GNG4: variants seen among roughly 807,000 people sequenced by gnomAD.
GNG4 encodes G protein subunit gamma 4, also known as guanine nucleotide-binding protein G(I)/G(S)/G(O) subunit gamma-4.
In GNG4, 4 loss-of-function variants were observed where a neutral mutation model predicts 5.8. That is an observed-to-expected ratio of 0.69 (90% CI 0.34 to 1.57). The LOEUF (loss-of-function observed/expected upper bound fraction) is 1.57. Among genes scored for constraint, GNG4 ranks in the 40% most tolerant of loss-of-function variants. GNG4 has a pLI of 0.06. For synonymous variants in GNG4, 29 were observed against 32.9 expected (o/e 0.88, Z 0.41); for missense variants, 96 against 95.1 (o/e 1.01, Z -0.04).
At chr1:235,627,902 C>T (rs373236078) in intron 1 of GNG4, among the ~76,000 whole-genome samples, 36 of 152,004 alleles carry the variant, frequency 2.4e-4, no homozygotes, top group Admixed American at 7.2e-4. Flanking sequence ...GATATGGGGC[C>T]GGGCGTGGTG....
intron 2 of GNG4, among the ~76,000 whole-genome samples, chr1:235,591,471 A>T (rs1687961639): frequency 6.6e-6 from 1 of 152,210 alleles, no homozygotes; most frequent in African/African-American, 2.4e-5. Flanking sequence ...CCCTATAAGA[A>T]GGTTTCGGAG....
At chr1:235,636,884 T>G (rs1689049469) in intron 1 of GNG4, among the ~76,000 whole-genome samples, 1 of 152,006 alleles carries the variant, frequency 6.6e-6, no homozygotes, top group Admixed American at 6.5e-5. Context: ...GAGGATACCC[T>G]AGGAACAGTG....
intron 2 of GNG4, among the ~76,000 whole-genome samples, chr1:235,584,645 G>A (rs1000594959): frequency 7.6e-6 from 1 of 130,946 alleles, no homozygotes; most frequent in African/African-American, 2.8e-5. Context: ...ACTAAGACCA[G>A]TGTAGTGCTA....
chr1:235,629,847 C>T (rs1407682864), intron 1 of GNG4, among the ~76,000 whole-genome samples: 2 of 152,140 alleles, frequency 1.3e-5, no homozygotes, highest in African/African-American at 4.8e-5. Flanking sequence ...CCGCCTCAGC[C>T]TCCCAAAGTG....
chr1:235,624,250 G>A (rs573533139), intron 1 of GNG4, among the ~76,000 whole-genome samples: 33 of 151,332 alleles, frequency 2.2e-4, no homozygotes, highest in South Asian at 1.0e-3. Context: ...TTACAGCCAC[G>A]CACCACCACG....
chr1:235,604,495 G>A (rs1258993109), intron 1 of GNG4, among the ~76,000 whole-genome samples: 1 of 152,182 alleles, frequency 6.6e-6, no homozygotes. Context: ...GAAGGCCCCA[G>A]GAGAAAATCC....
chr1:235,628,154 T>G (rs927494299), intron 1 of GNG4, among the ~76,000 whole-genome samples: 5 of 152,126 alleles, frequency 3.3e-5, no homozygotes, highest in African/African-American at 1.2e-4. Context: ...CACTCCAGCC[T>G]GGGCAACAAG....
chr1:235,617,212 T>A (rs1688609220), intron 1 of GNG4, among the ~76,000 whole-genome samples: 1 of 152,154 alleles, frequency 6.6e-6, no homozygotes, highest in Non-Finnish European at 1.5e-5. Context: ...GTTCACCTCT[T>A]CTTACAGAGA....
At chr1:235,645,082 C>A (rs987457531) in intron 1 of GNG4, among the ~76,000 whole-genome samples, 1 of 152,188 alleles carries the variant, frequency 6.6e-6, no homozygotes, top group Non-Finnish European at 1.5e-5. Context: ...CAAAGCCAGG[C>A]TGCCTGTACT....
At chr1:235,614,753 T>A (rs1257305159) in intron 1 of GNG4, 2 of 152,350 alleles carry the variant, frequency 1.3e-5, no homozygotes, top group Non-Finnish European at 2.9e-5. Context: ...GAACTGCTCC[T>A]GAGGATCATG....
intron 3 of GNG4, among the ~76,000 whole-genome samples, chr1:235,561,129 C>T (rs922796824): frequency 6.6e-6 from 1 of 152,214 alleles, no homozygotes; most frequent in Admixed American, 6.5e-5. Flanking sequence ...CCTGCCTCAG[C>T]CTCCCGAGTA....
chr1:235,570,473 T>C (rs2102927332), intron 3 of GNG4, among the ~76,000 whole-genome samples: 1 of 145,456 alleles, frequency 6.9e-6, no homozygotes, highest in East Asian at 2.1e-4. Context: ...CTTGGCTCAC[T>C]GCAACCTCCG....
intron 2 of GNG4, among the ~76,000 whole-genome samples, chr1:235,594,895 C>T (rs1036362142): frequency 6.6e-5 from 10 of 152,328 alleles, no homozygotes; most frequent in South Asian, 2.1e-4. Flanking sequence ...GCAGAGGAGG[C>T]GCCGAGAGCG....
At chr1:235,562,384 T>C (rs1687086616) in intron 3 of GNG4, among the ~76,000 whole-genome samples, 1 of 152,046 alleles carries the variant, frequency 6.6e-6, no homozygotes, top group South Asian at 2.1e-4. Context: ...CAGCAGCTCA[T>C]GCCTGTAATC....
At chr1:235,627,625 T>A (rs1480845459) in intron 1 of GNG4, among the ~76,000 whole-genome samples, 1 of 152,176 alleles carries the variant, frequency 6.6e-6, no homozygotes, top group Non-Finnish European at 1.5e-5. Flanking sequence ...TCACCACTGA[T>A]GCATGCAGGA....
At chr1:235,646,627 T>C (rs1197204294) in intron 1 of GNG4, among the ~76,000 whole-genome samples, 1 of 152,190 alleles carries the variant, frequency 6.6e-6, no homozygotes, top group African/African-American at 2.4e-5. Flanking sequence ...TAGCTCCCTA[T>C]ACTTCCTCAC....
chr1:235,593,148 C>G (rs550085303), intron 2 of GNG4, among the ~76,000 whole-genome samples: 4 of 152,124 alleles, frequency 2.6e-5, no homozygotes, highest in Non-Finnish European at 4.4e-5. Context: ...GGGGTTTCAC[C>G]ATGTTGGCCA....
chr1:235,562,659 G>GAAA (rs1318706984), intron 3 of GNG4, among the ~76,000 whole-genome samples: 1 of 51,310 alleles, frequency 1.9e-5, no homozygotes, highest in Non-Finnish European at 4.0e-5. Context: ...AAAAAAAAAA[G>GAAA]AAAAAAAAAA....
intron 3 of GNG4, among the ~76,000 whole-genome samples, chr1:235,572,302 C>CG (rs1687364735): frequency 6.6e-6 from 1 of 152,082 alleles, no homozygotes; most frequent in Non-Finnish European, 1.5e-5. Context: ...CGGGTTCAAG[C>CG]GATTCTCTTG....
Sources: allele counts gnomAD v4.1 joint callset (sites outside exome capture counted in the v4.1 genomes callset), GRCh38; gene constraint gnomAD v4.1.1; transcripts MANE v1.5; gene names NCBI Gene and HGNC (gene_info 2026-07-23, HGNC 2026-07-21).